PRKCA: variants seen among roughly 807,000 people sequenced by gnomAD.
PRKCA encodes the protein protein kinase C alpha, also known as protein kinase C alpha type.
In PRKCA, 27 loss-of-function variants were observed where a neutral mutation model predicts 87.0. That is an observed-to-expected ratio of 0.31 (90% CI 0.23 to 0.43). PRKCA has a LOEUF of 0.43. Ranked by LOEUF, PRKCA falls within the 20% of genes least tolerant of loss-of-function variation. PRKCA has a pLI of 1.00. For missense variants in PRKCA, 518 were observed against 852.3 expected (o/e 0.61, Z 4.88); for synonymous variants, 329 against 311.1 (o/e 1.06, Z -0.61).
At chr17:66,733,417 G>A (rs1973953712) in intron 9 of PRKCA, among the ~76,000 whole-genome samples, 1 of 152,202 alleles carries the variant, frequency 6.6e-6, no homozygotes, top group Admixed American at 6.5e-5. Flanking sequence ...TGTGAGGGAA[G>A]CCTAGCACAG....
chr17:66,542,775 G>A (rs992833001), intron 3 of PRKCA, among the ~76,000 whole-genome samples: 1 of 152,184 alleles, frequency 6.6e-6, no homozygotes, highest in Non-Finnish European at 1.5e-5. Context: ...CTATTAATGA[G>A]AAAGTACAGA....
At chr17:66,456,141 G>T (rs1297811294) in intron 2 of PRKCA, among the ~76,000 whole-genome samples, 1 of 151,944 alleles carries the variant, frequency 6.6e-6, no homozygotes, top group Non-Finnish European at 1.5e-5. Context: ...GGAACTAGGA[G>T]TGAAAGATGA....
At chr17:66,636,605 C>T (rs1450549013) in intron 3 of PRKCA, among the ~76,000 whole-genome samples, 3 of 152,156 alleles carry the variant, frequency 2.0e-5, no homozygotes, top group African/African-American at 4.8e-5. Context: ...AGGCCCAAGT[C>T]ACTAAAGTAT....
chr17:66,512,366 T>C (rs2144178052), intron 3 of PRKCA, among the ~76,000 whole-genome samples: 1 of 152,108 alleles, frequency 6.6e-6, no homozygotes, highest in South Asian at 2.1e-4. Context: ...TGCTTGAACC[T>C]GGGAGGCGGA....
chr17:66,346,087 CTTTT>C (rs1032043153), intron 2 of PRKCA, among the ~76,000 whole-genome samples: 1 of 145,320 alleles, frequency 6.9e-6, no homozygotes, highest in Admixed American at 6.8e-5. Flanking sequence ...ATTGCGTTAT[CTTTT>C]TTTGCTTTTT....
At chr17:66,494,794 T>C (rs759212057) in intron 2 of PRKCA, among the ~76,000 whole-genome samples, 2 of 152,178 alleles carry the variant, frequency 1.3e-5, no homozygotes, top group Non-Finnish European at 2.9e-5. Context: ...CTCTATCTTA[T>C]TACCATCAAT....
chr17:66,440,827 A>G (rs758740641), intron 2 of PRKCA, among the ~76,000 whole-genome samples: 1 of 151,962 alleles, frequency 6.6e-6, no homozygotes, highest in Non-Finnish European at 1.5e-5. Context: ...GGAGTTTGAG[A>G]CCAGCCCTGG....
intron 2 of PRKCA, among the ~76,000 whole-genome samples, chr17:66,395,557 C>T (rs541048552): frequency 7.2e-5 from 11 of 152,182 alleles, no homozygotes; most frequent in East Asian, 1.9e-4. Flanking sequence ...TGCTTGGGGG[C>T]GGTGGTACAG....
chr17:66,626,423 G>A (rs1415829661), intron 3 of PRKCA, among the ~76,000 whole-genome samples: 10 of 149,186 alleles, frequency 6.7e-5, no homozygotes, highest in Admixed American at 3.3e-4. Context: ...GTGTAGTGGC[G>A]CAGTCTTGAC....
At chr17:66,781,878 T>G (rs550216660) in intron 14 of PRKCA, among the ~76,000 whole-genome samples, 2,667 of 142,994 alleles carry the variant, frequency 0.019, 73 homozygotes, top group African/African-American at 0.058. Flanking sequence ...GATATATATA[T>G]ATATATATAG....
intron 3 of PRKCA, among the ~76,000 whole-genome samples, chr17:66,565,184 G>C (rs895538590): frequency 1.3e-5 from 2 of 152,114 alleles, no homozygotes; most frequent in Non-Finnish European, 2.9e-5. Flanking sequence ...ATAGAGTGCT[G>C]CTTGTGCAAC....
intron 2 of PRKCA, among the ~76,000 whole-genome samples, chr17:66,466,735 A>T (rs1171993253): frequency 1.3e-5 from 2 of 152,162 alleles, no homozygotes; most frequent in Non-Finnish European, 2.9e-5. Flanking sequence ...AATAAAATTG[A>T]CTTTATTTCT....
At chr17:66,646,723 C>T (rs1483961072) in intron 5 of PRKCA, among the ~76,000 whole-genome samples, 1 of 152,074 alleles carries the variant, frequency 6.6e-6, no homozygotes, top group East Asian at 1.9e-4. Flanking sequence ...CAGGTTTTTC[C>T]TTTGAAAGAT....
chr17:66,755,188 G>C (rs1974520201), intron 13 of PRKCA, among the ~76,000 whole-genome samples: 1 of 152,124 alleles, frequency 6.6e-6, no homozygotes, highest in South Asian at 2.1e-4. Flanking sequence ...CCCACCACCT[G>C]ACCCAGTATT....
chr17:66,741,350 T>G (rs1208808263), intron 11 of PRKCA, among the ~76,000 whole-genome samples: 3 of 152,206 alleles, frequency 2.0e-5, no homozygotes, highest in Non-Finnish European at 4.4e-5. Flanking sequence ...TATAGAATAG[T>G]CTAACTGGTA....
intron 2 of PRKCA, among the ~76,000 whole-genome samples, chr17:66,326,553 G>A (rs369211267): frequency 7.2e-5 from 11 of 152,296 alleles, no homozygotes; most frequent in African/African-American, 2.6e-4. Context: ...CTTTTGAGGA[G>A]CATCCTCTTT....
At chr17:66,725,966 T>C (rs1425164287) in intron 8 of PRKCA, among the ~76,000 whole-genome samples, 3 of 152,004 alleles carry the variant, frequency 2.0e-5, no homozygotes, top group African/African-American at 7.3e-5. Flanking sequence ...CTAGCCAAGG[T>C]TGTGTTCTCA....
chr17:66,527,052 A>C (rs1311710416), intron 3 of PRKCA, among the ~76,000 whole-genome samples: 1 of 152,192 alleles, frequency 6.6e-6, no homozygotes, highest in Non-Finnish European at 1.5e-5. Context: ...CAGCCCTGCC[A>C]CAGACAGTTG....
At chr17:66,379,940 T>TA (rs969524878) in intron 2 of PRKCA, among the ~76,000 whole-genome samples, 14 of 148,180 alleles carry the variant, frequency 9.4e-5, no homozygotes, top group East Asian at 1.9e-4. Flanking sequence ...AGTATAAAGC[T>TA]AAAAAAAAAA....
Sources: allele counts gnomAD v4.1 joint callset (sites outside exome capture counted in the v4.1 genomes callset), GRCh38; gene constraint gnomAD v4.1.1; transcripts MANE v1.5; gene names NCBI Gene and HGNC (gene_info 2026-07-23, HGNC 2026-07-21).